Variants in GPR141 observed in about 807,000 individuals in gnomAD.
GPR141 encodes probable G protein-coupled receptor 141.
GPR141 carries 6 observed loss-of-function variants against 6.8 expected under a neutral mutation model. That is an observed-to-expected ratio of 0.88 (90% CI 0.48 to 1.74). GPR141 has a LOEUF of 1.74. Among genes scored for constraint, GPR141 ranks in the 40% most tolerant of loss-of-function variants. The pLI, the probability that GPR141 is intolerant of heterozygous loss-of-function variation, is 0.01. For synonymous variants in GPR141, 140 were observed against 142.3 expected, an observed-to-expected ratio of 0.98 and a Z score of 0.11; for missense variants, 372 against 372.9, an observed-to-expected ratio of 1.00 and a Z score of 0.02.
rs1402939826 is a variant in GPR141 at position 37,740,782 on chromosome 7, T to C, written c.389T>C (p.Leu130Pro). Residue 130 changes from leucine to proline, a missense_variant, in exon 3 of 3, where the codon CTG becomes CCG. By Grantham distance (98) the Leu-to-Pro change is moderately conservative (BLOSUM62 -3). Transcript: ENST00000334425. The stretch of plus-strand genomic sequence containing the variant: ...GACAAAGTGGAATTCTACAGAAAAC[T>C]GCATGCTGTGGCTGCCAGTGCTGGC... ...CKDKVEFYRK[L>P]HAVAASAGMW... The C allele has an allele frequency of 1.9e-6, 3 of 1,614,176 alleles. No homozygotes were observed. In the East Asian group the frequency reaches 6.7e-5, roughly 36 times the overall value.
At chr7:37,689,956 T>C (rs1214444416) in intron 2 of GPR141, among the ~76,000 whole-genome samples, 2 of 152,040 alleles carry the variant, frequency 1.3e-5, no homozygotes, top group African/African-American at 4.8e-5. Context: ...GTTTGTTTTG[T>C]TTTTGTTTTT....
In GPR141 at chr7:37,712,429, C is replaced by T. The variant is rs145694263; in HGVS notation, c.-15+26846C>T. Among the ~76,000 whole-genome samples, 225 of 152,194 alleles carry T rather than the reference C, an allele frequency of 1.5e-3. 1 individual carries two copies. Among genetic ancestry groups the T allele is most frequent in the African/African-American group, 5.2e-3 (218 of 41,526 alleles). ...ATAAAGAGGATGAAAGAAACAAAGACAAGGAGGGTAATAAAGTGATCAGTG... is the reference window on the plus strand; with the variant it reads ...ATAAAGAGGATGAAAGAAACAAAGATAAGGAGGGTAATAAAGTGATCAGTG... On this transcript the variant is annotated intron_variant, in intron 2 of 2. Coordinates refer to ENST00000334425, the MANE Select transcript of GPR141 (RefSeq NM_001381946.1).
intron 2 of GPR141, among the ~76,000 whole-genome samples, chr7:37,727,286 T>C (rs182095343): frequency 8.5e-5 from 13 of 152,334 alleles, no homozygotes; most frequent in African/African-American, 3.1e-4. Context: ...TGTCTCCAGA[T>C]GATGTTGGAA....
chr7:37,734,142 C>A (rs1812121416), intron 2 of GPR141, among the ~76,000 whole-genome samples: 1 of 152,182 alleles, frequency 6.6e-6, no homozygotes. Context: ...CACTGCACTC[C>A]AGCCTGGGCA....
At position 37,732,940 on chromosome 7, in the gene GPR141, G is replaced by A. The variant is rs534754332; in HGVS notation, c.-14-7440G>A. ...ATATATGGGGGAGCTGAGACATGAA[G>A]AGGCATTTCCTAGAAGGGAAAATTA... On this transcript the variant is annotated intron_variant, in intron 2 of 2. Transcript: ENST00000334425. Among the ~76,000 whole-genome samples, 5 of 152,338 alleles carry A rather than the reference G, an allele frequency of 3.3e-5. No homozygotes were observed. The East Asian group carries it at 7.7e-4, about 24-fold the overall frequency.
In GPR141 at chr7:37,693,712, A is replaced by T. The variant is rs138608743; in HGVS notation, c.-15+8129A>T. ...TGGGGGAGCATGAAGCAGCACAACA[A>T]TGACTCTACTCCCTGGGAAGAGGGG... is the stretch of plus-strand genomic sequence containing the variant. On this transcript the variant is annotated intron_variant, in intron 2 of 2. Coordinates refer to ENST00000334425, the MANE Select transcript of GPR141 (RefSeq NM_001381946.1). Among the ~76,000 whole-genome samples, 737 of 152,196 alleles carry T rather than the reference A, an allele frequency of 4.8e-3. 7 individuals carry two copies. The highest frequency in any genetic ancestry group is 0.016 in the African/African-American group (673 of 41,506).
chr7:37,721,614 C>T (rs150029671), intron 2 of GPR141, among the ~76,000 whole-genome samples: 6 of 152,290 alleles, frequency 3.9e-5, no homozygotes, highest in Admixed American at 3.9e-4. Context: ...ACATGCCCAA[C>T]GTGTCCTAAA....
chr7:37,706,759 T>C (rs777617697), intron 2 of GPR141, among the ~76,000 whole-genome samples: 23 of 152,226 alleles, frequency 1.5e-4, no homozygotes, highest in Admixed American at 6.5e-5. Context: ...TTGTTCTCCA[T>C]ATCATTGCCT....
chr7:37,707,936 T>C (rs1810598710), intron 2 of GPR141, among the ~76,000 whole-genome samples: 1 of 152,180 alleles, frequency 6.6e-6, no homozygotes, highest in Non-Finnish European at 1.5e-5. Flanking sequence ...TAAAGGACTT[T>C]CCAGCAACTA....
intron 2 of GPR141, among the ~76,000 whole-genome samples, chr7:37,723,695 C>T (rs1408045900): frequency 6.6e-6 from 1 of 152,162 alleles, no homozygotes; most frequent in Non-Finnish European, 1.5e-5. Context: ...CCTTACATGT[C>T]CGTATAGACA....
intron 2 of GPR141, among the ~76,000 whole-genome samples, chr7:37,706,967 C>T (rs2392510): frequency 0.47 from 71,867 of 151,448 alleles, 17,268 homozygotes; most frequent in South Asian, 0.61. Context: ...CCAGCTGGTA[C>T]GTTTTCTTCT....
At chr7:37,739,537 T>C (rs551609717) in intron 2 of GPR141, among the ~76,000 whole-genome samples, 1 of 152,322 alleles carries the variant, frequency 6.6e-6, no homozygotes, top group South Asian at 2.1e-4. Context: ...GGGATTTAGA[T>C]AGGAAACTGA....
chr7:37,703,895 T>A (rs1220357941), intron 2 of GPR141, among the ~76,000 whole-genome samples: 1 of 152,122 alleles, frequency 6.6e-6, no homozygotes, highest in Non-Finnish European at 1.5e-5. Flanking sequence ...AAAATACAAC[T>A]TTCGAAAAGT....
intron 2 of GPR141, chr7:37,713,577 T>A (rs1810910482): frequency 6.6e-6 from 1 of 152,242 alleles, no homozygotes; most frequent in Non-Finnish European, 1.5e-5. Flanking sequence ...CTAATTCTTT[T>A]CTGTGTTCCT....
intron 2 of GPR141, among the ~76,000 whole-genome samples, chr7:37,707,348 A>C (rs1810572452): frequency 6.6e-6 from 1 of 152,148 alleles, no homozygotes; most frequent in East Asian, 1.9e-4. Flanking sequence ...GATAGCTAAT[A>C]TTCAAATCAA....
intron 2 of GPR141, among the ~76,000 whole-genome samples, chr7:37,706,271 G>A (rs1249954415): frequency 6.6e-6 from 1 of 152,192 alleles, no homozygotes; most frequent in African/African-American, 2.4e-5. Context: ...ACAAGATGGT[G>A]CAAGTCTGTC....
At chr7:37,684,789 C>A (rs1042605756) in intron 1 of GPR141, among the ~76,000 whole-genome samples, 1 of 152,166 alleles carries the variant, frequency 6.6e-6, no homozygotes, top group African/African-American at 2.4e-5. Context: ...TTATTAAGTA[C>A]TCCAGAATTA....
chr7:37,737,569 G>A (rs965038343), intron 2 of GPR141, among the ~76,000 whole-genome samples: 1 of 151,892 alleles, frequency 6.6e-6, no homozygotes, highest in African/African-American at 2.4e-5. Context: ...AAAACATTGT[G>A]AGATTTATTT....
At chr7:37,684,712 T>C (rs1294773109) in intron 1 of GPR141, among the ~76,000 whole-genome samples, 1 of 152,256 alleles carries the variant, frequency 6.6e-6, no homozygotes, top group Non-Finnish European at 1.5e-5. Flanking sequence ...TGACTTTTGA[T>C]AGGTCACTTA....
Sources: gnomAD v4.1 joint callset for allele counts (sites outside exome capture counted in the v4.1 genomes callset) on GRCh38, gnomAD v4.1.1 for gene constraint, MANE v1.5 for transcripts, NCBI Gene and HGNC (gene_info 2026-07-23, HGNC 2026-07-21) for gene names.